MAST4: variants seen among roughly 807,000 people sequenced by gnomAD.
MAST4 encodes the protein microtubule associated serine/threonine kinase family member 4, also known as microtubule-associated serine/threonine-protein kinase 4.
A neutral mutation model predicts 162.7 loss-of-function variants in MAST4; 89 were observed. The ratio of observed to expected loss-of-function variants is 0.55; its 90% CI spans 0.46 to 0.65. The LOEUF (loss-of-function observed/expected upper bound fraction) is 0.65. Among genes scored for constraint, MAST4 ranks in the 30% least tolerant of loss-of-function variants. The pLI, the probability that MAST4 is intolerant of heterozygous loss-of-function variation, is 0.00. For synonymous variants in MAST4, 1,479 were observed against 1,361.1 expected (o/e 1.09, Z -1.91); for missense variants, 3,153 against 3,374.0 (o/e 0.93, Z 1.62).
At chr5:67,044,967 G>C (rs976775554) in intron 4 of MAST4, among the ~76,000 whole-genome samples, 1 of 152,174 alleles carries the variant, frequency 6.6e-6, no homozygotes, top group Non-Finnish European at 1.5e-5. Context: ...GACTTCGTCA[G>C]CTCTTTGTGT....
chr5:66,770,036 G>A (rs1754291762), intron 2 of MAST4, among the ~76,000 whole-genome samples: 1 of 152,216 alleles, frequency 6.6e-6, no homozygotes, highest in South Asian at 2.1e-4. Context: ...TCGGTCTAGT[G>A]TGGTTTTAGA....
intron 4 of MAST4, among the ~76,000 whole-genome samples, chr5:66,975,117 ATT>A (rs1747966132): frequency 6.6e-6 from 1 of 152,042 alleles, no homozygotes; most frequent in Non-Finnish European, 1.5e-5. Context: ...GCCAAGGGGG[ATT>A]TGGCCCACAG....
At chr5:66,901,510 A>G (rs955782977) in intron 4 of MAST4, among the ~76,000 whole-genome samples, 17 of 152,126 alleles carry the variant, frequency 1.1e-4, no homozygotes, top group Non-Finnish European at 1.6e-4. Flanking sequence ...TTTATTTGAG[A>G]AAATGGGATC....
intron 1 of MAST4, among the ~76,000 whole-genome samples, chr5:66,641,816 A>G (rs1019698961): frequency 2.6e-5 from 4 of 152,250 alleles, no homozygotes; most frequent in Non-Finnish European, 4.4e-5. Flanking sequence ...ATTAAAATCT[A>G]TAACTTCAAA....
chr5:67,095,757 T>G (rs1035653366), intron 7 of MAST4, 82 bp downstream of exon 7: 2 of 1,040,810 alleles, frequency 1.9e-6, no homozygotes, highest in Non-Finnish European at 1.3e-6. Flanking sequence ...TCTGGGTGTT[T>G]CCTGGTAGGG....
At chr5:66,979,600 TC>T (rs1748540797) in intron 4 of MAST4, among the ~76,000 whole-genome samples, 3 of 152,194 alleles carry the variant, frequency 2.0e-5, no homozygotes, top group Non-Finnish European at 4.4e-5. Context: ...ATTTGTTTTT[TC>T]TTTCTACTAC....
At chr5:67,043,557 T>A (rs1757014494) in intron 4 of MAST4, among the ~76,000 whole-genome samples, 1 of 152,228 alleles carries the variant, frequency 6.6e-6, no homozygotes, top group African/African-American at 2.4e-5. Flanking sequence ...AGTTACTTCC[T>A]TATCCCTGGC....
At chr5:66,876,149 T>A (rs1761287069) in intron 3 of MAST4, among the ~76,000 whole-genome samples, 1 of 152,188 alleles carries the variant, frequency 6.6e-6, no homozygotes, top group African/African-American at 2.4e-5. Flanking sequence ...ATTGCAGTGT[T>A]TAATTCTTAC....
At chr5:66,641,520 C>G (rs1745486009) in intron 1 of MAST4, among the ~76,000 whole-genome samples, 1 of 152,164 alleles carries the variant, frequency 6.6e-6, no homozygotes. Flanking sequence ...AAATAATGTT[C>G]AGTCCAGTGG....
chr5:67,133,260 A>T (rs897898225), intron 16 of MAST4, among the ~76,000 whole-genome samples: 11 of 151,882 alleles, frequency 7.2e-5, no homozygotes, highest in African/African-American at 2.7e-4. Context: ...GTTATAAATG[A>T]TATTGTATGT....
chr5:66,687,678 A>G (rs6884367), intron 1 of MAST4, among the ~76,000 whole-genome samples: 82,558 of 149,940 alleles, frequency 0.55, 23,014 homozygotes, highest in African/African-American at 0.67. Flanking sequence ...CTATCTATCT[A>G]TACGCACCAC....
intron 5 of MAST4, among the ~76,000 whole-genome samples, chr5:67,074,129 C>CA (rs113805898): frequency 0.054 from 8,186 of 151,088 alleles, 642 homozygotes; most frequent in African/African-American, 0.17. Context: ...AATACTACCC[C>CA]CTAAATAAAT....
chr5:66,832,093 C>A (rs1489596005), intron 3 of MAST4, among the ~76,000 whole-genome samples: 1 of 152,102 alleles, frequency 6.6e-6, no homozygotes, highest in Non-Finnish European at 1.5e-5. Context: ...GTAAGGCAGG[C>A]ATGACTTACT....
chr5:67,145,327 G>T lies in MAST4; in HGVS notation c.3042G>T (p.Glu1014Asp), dbSNP rs537504782. Residue 1014 changes from glutamate (E) to aspartate (D), a missense_variant, in exon 23 of 29, where the codon GAG (glutamate) becomes GAT (aspartate). Physicochemically the swap from Glu to Asp is conservative, Grantham distance 45 (BLOSUM62 2). Around this residue, in one of 7 missense-constraint regions of MAST4, gnomAD observed 619 missense variants for 744.2 expected, o/e 0.83. Coordinates refer to ENST00000403625, the MANE Select transcript of MAST4 (RefSeq NM_001164664.2). ...TTCCTCCTGAAGAGTGTGCCCAGGA[G>T]GAGCCTGAGGTCACCACCCCAGCCA... The part of the protein sequence containing the change: ...PALPPEECAQ[E>D]EPEVTTPAST... 29 of 1,613,584 alleles carry T rather than the reference G, an allele frequency of 1.8e-5. No homozygotes were observed. In the South Asian group the frequency reaches 3.2e-4, roughly 18 times the overall value.
chr5:67,078,910 A>T (rs1762145810), intron 5 of MAST4, among the ~76,000 whole-genome samples: 2 of 22,130 alleles, frequency 9.0e-5, no homozygotes, highest in African/African-American at 4.0e-4. Flanking sequence ...ATTTTTATAT[A>T]AATATATATA....
chr5:66,805,156 C>T (rs1233573652), intron 3 of MAST4, among the ~76,000 whole-genome samples: 1 of 152,130 alleles, frequency 6.6e-6, no homozygotes, highest in Non-Finnish European at 1.5e-5. Context: ...ACTCATTTTT[C>T]AAAGGAGTAA....
chr5:66,800,936 A>G (rs927871695), intron 3 of MAST4, among the ~76,000 whole-genome samples: 1 of 152,166 alleles, frequency 6.6e-6, no homozygotes, highest in Non-Finnish European at 1.5e-5. Context: ...CTACTACCAC[A>G]CTACCTGTAT....
rs1404890944 is a variant in MAST4 at position 66,907,179 on chromosome 5, GA to G, written c.674+7198del. ...AAAGCGAGAGAGAGAGAGAGAGAGA[GA>G]GAGAGAGAGAGAGAGAGAGAGAGAG... On this transcript the variant is annotated intron_variant, in intron 4 of 28. Transcript: ENST00000403625. 6.4e-4 allele frequency among the ~76,000 whole-genome samples: 93 copies of G among 144,576 alleles called. 3 individuals are homozygous for G. In the South Asian group the frequency reaches 0.02, roughly 31 times the overall value. 94.8% of individuals were successfully genotyped at this position (144,576 alleles called of 152,430 possible).
chr5:67,044,920 C>T (rs1757183945), intron 4 of MAST4, among the ~76,000 whole-genome samples: 2 of 152,270 alleles, frequency 1.3e-5, no homozygotes, highest in South Asian at 4.1e-4. Flanking sequence ...GTTGATTGTT[C>T]CAGTAGGATG....
Sources: gnomAD v4.1 joint callset for allele counts (sites outside exome capture counted in the v4.1 genomes callset) on GRCh38, gnomAD v4.1.1 for gene constraint, gnomAD v4.1.1 regional missense constraint, MANE v1.5 for transcripts, NCBI Gene and HGNC (gene_info 2026-07-23, HGNC 2026-07-21) for gene names.